The following SLC30A9 variants were observed in gnomAD, a reference collection of about 807,000 sequenced individuals.
The protein encoded by SLC30A9 is solute carrier family 30 member 9.
SLC30A9 carries 58 observed loss-of-function variants against 87.5 expected under a neutral mutation model. That is an observed-to-expected ratio of 0.66 (90% CI 0.54 to 0.82). The LOEUF (loss-of-function observed/expected upper bound fraction) is 0.82. Ranked by LOEUF, SLC30A9 falls within the 40% of genes least tolerant of loss-of-function variation. The pLI is 0.00. For synonymous variants in SLC30A9, 234 were observed against 233.0 expected (o/e 1.00, Z -0.04); for missense variants, 557 against 679.1 (o/e 0.82, Z 2.00).
At chr4:42,009,691 T>C (rs1715359411) in intron 2 of SLC30A9, among the ~76,000 whole-genome samples, 2 of 152,238 alleles carry the variant, frequency 1.3e-5, no homozygotes, top group African/African-American at 4.8e-5. Flanking sequence ...TTGTTTGTGC[T>C]GTATAACACT....
chr4:42,032,098 C>T (rs945904251), intron 6 of SLC30A9, among the ~76,000 whole-genome samples: 3 of 152,076 alleles, frequency 2.0e-5, no homozygotes, highest in South Asian at 2.1e-4. Context: ...GGGGAGGTGC[C>T]TCACACTTTT....
intron 2 of SLC30A9, among the ~76,000 whole-genome samples, chr4:42,006,119 A>G (rs752140368): frequency 8.5e-5 from 13 of 152,232 alleles, no homozygotes; most frequent in Non-Finnish European, 1.3e-4. Flanking sequence ...ATTATAAGTA[A>G]TCTAGAGATG....
At chr4:42,086,044 T>G (rs1162118773) in intron 17 of SLC30A9, 38 bp from the exon 18 acceptor site, 1 of 986,586 alleles carries the variant, frequency 1.0e-6, no homozygotes, top group Non-Finnish European at 1.4e-6. Flanking sequence ...AAGATTTTAT[T>G]TTGCTACAAA....
In SLC30A9 at chr4:42,059,936, T is replaced by C. The variant is rs1717775667; in HGVS notation, c.841-255T>C. Among the ~76,000 whole-genome samples, 5 of 152,316 alleles carry C rather than the reference T, an allele frequency of 3.3e-5. No homozygotes were observed. The South Asian group carries it at 1.0e-3, about 32-fold the overall frequency. On this transcript the variant is annotated intron_variant, in intron 9 of 17. Coordinates refer to ENST00000264451, the MANE Select transcript of SLC30A9 (RefSeq NM_006345.4). ...AATTTATGGTTTATCATTTATTTTG[T>C]CATTCCCAATTGATGGATTTTTTTT...
chr4:42,062,847 T>C, intron 10 of SLC30A9, 139 bp from the exon 11 acceptor site: 1 of 692,716 alleles, frequency 1.4e-6, no homozygotes, highest in Non-Finnish European at 2.3e-6. Flanking sequence ...CTTTTCAAGT[T>C]TGGCACTTAA....
intron 7 of SLC30A9, among the ~76,000 whole-genome samples, chr4:42,035,992 CTG>C (rs1560546204): frequency 6.6e-6 from 1 of 152,164 alleles, no homozygotes; most frequent in Non-Finnish European, 1.5e-5. Context: ...ACTGCCAACT[CTG>C]TGCTTGTATC....
At chr4:42,020,590 T>TA (rs1468855301) in intron 4 of SLC30A9, 75 bp downstream of exon 4, 2 of 755,402 alleles carry the variant, frequency 2.6e-6, no homozygotes, top group Admixed American at 2.6e-5. Flanking sequence ...TAGAGTGTGT[T>TA]ACCTGCTACC....
At chr4:42,031,487 T>C (rs1328550176) in intron 6 of SLC30A9, among the ~76,000 whole-genome samples, 1 of 152,230 alleles carries the variant, frequency 6.6e-6, no homozygotes, top group Non-Finnish European at 1.5e-5. Flanking sequence ...AAGAATTTCA[T>C]AGAATTCTAT....
Position 42,086,602 on chromosome 4 carries a change from A to G in SLC30A9, c.*476A>G, listed in dbSNP as rs1051044403. On this transcript the variant is annotated 3_prime_UTR_variant, in exon 18 of 18. Transcript: ENST00000264451. Reference sequence around the variant, plus strand: ...GGTTTTTAAACAGTCACTCCGTTTCAAAGTCTGTCTTTCCTTATAGAATGT... The same window carrying G: ...GGTTTTTAAACAGTCACTCCGTTTCGAAGTCTGTCTTTCCTTATAGAATGT... 2 of 152,900 alleles carry G rather than the reference A, an allele frequency of 1.3e-5. No individual in the cohort carries two copies. The highest frequency in any genetic ancestry group is 2.9e-5 in the Non-Finnish European group (2 of 68,130). The allele number at this position is 152,900 out of a possible 1,614,324, so 9.5% of individuals were successfully genotyped here. A position where few individuals can be genotyped will look rare whatever the true frequency, so the allele number is the denominator to read the frequency against.
At chr4:42,072,462 T>G (rs1211012871) in intron 15 of SLC30A9, among the ~76,000 whole-genome samples, 1 of 152,136 alleles carries the variant, frequency 6.6e-6, no homozygotes, top group African/African-American at 2.4e-5. Flanking sequence ...TGTGCCATTT[T>G]CATTATCTAA....
At chr4:42,064,890 C>T (rs192469670) in intron 11 of SLC30A9, among the ~76,000 whole-genome samples, 1 of 151,816 alleles carries the variant, frequency 6.6e-6, no homozygotes, top group African/African-American at 2.4e-5. Context: ...AAATGTGTTG[C>T]TAGGTTAACT....
chr4:41,999,982 TGA>T (rs1714908107), intron 1 of SLC30A9, among the ~76,000 whole-genome samples: 6 of 152,254 alleles, frequency 3.9e-5, no homozygotes, highest in African/African-American at 1.4e-4. Context: ...AGAGATGAGA[TGA>T]AATTGTCCAT....
chr4:42,010,815 A>G (rs768606427), intron 2 of SLC30A9, among the ~76,000 whole-genome samples: 3 of 152,240 alleles, frequency 2.0e-5, no homozygotes, highest in Non-Finnish European at 4.4e-5. Flanking sequence ...TGGACTAAAA[A>G]AAGACATGTT....
chr4:42,085,842 A>G (rs1244700637), intron 17 of SLC30A9, among the ~76,000 whole-genome samples: 2 of 151,820 alleles, frequency 1.3e-5, no homozygotes, highest in Non-Finnish European at 2.9e-5. Context: ...TCCTTAATGC[A>G]CTTTTGTATT....
chr4:42,051,463 T>C (rs1717381178), intron 9 of SLC30A9, among the ~76,000 whole-genome samples: 1 of 152,158 alleles, frequency 6.6e-6, no homozygotes, highest in Non-Finnish European at 1.5e-5. Context: ...AAACAGATGA[T>C]AGAATTAGCA....
chr4:41,991,238 A>C (rs1714425273), intron 1 of SLC30A9, among the ~76,000 whole-genome samples: 1 of 152,222 alleles, frequency 6.6e-6, no homozygotes, highest in South Asian at 2.1e-4. Flanking sequence ...GAGGGGTGCT[A>C]CTCACTACGG....
rs537016528 is a variant in SLC30A9, at chr4:41,993,862, A to C, written c.109+3102A>C. ...GATGTATACAACCATTTTTTTAAAA[A>C]ATTATAATTCAGGGCTGGGTGTGTT... On this transcript the variant is annotated intron_variant, in intron 1 of 17. Coordinates refer to ENST00000264451, the MANE Select transcript of SLC30A9 (RefSeq NM_006345.4). Among the ~76,000 whole-genome samples, 11 of 152,296 alleles carry C rather than the reference A, an allele frequency of 7.2e-5. No homozygotes were observed. In the South Asian group the frequency reaches 2.3e-3, roughly 32 times the overall value.
chr4:42,008,732 C>T (rs911276833), intron 2 of SLC30A9, among the ~76,000 whole-genome samples: 2 of 152,184 alleles, frequency 1.3e-5, no homozygotes, highest in Non-Finnish European at 2.9e-5. Flanking sequence ...ATAAACATTT[C>T]AAGACCATTT....
intron 16 of SLC30A9, 117 bp downstream of exon 16, chr4:42,075,903 G>T: frequency 1.0e-6 from 1 of 968,258 alleles, no homozygotes; most frequent in Non-Finnish European, 1.5e-6. Context: ...AACTTCTTAG[G>T]TTCCAAAATT....
Sources: gnomAD v4.1 joint callset for allele counts (sites outside exome capture counted in the v4.1 genomes callset) on GRCh38, gnomAD v4.1.1 for gene constraint, MANE v1.5 for transcripts, NCBI Gene and HGNC (gene_info 2026-07-23, HGNC 2026-07-21) for gene names.